STARD13: variants seen among roughly 807,000 people sequenced by gnomAD.
The protein encoded by STARD13 is StAR related lipid transfer domain containing 13.
In STARD13, 62 loss-of-function variants were observed where a neutral mutation model predicts 106.4. The observed-to-expected ratio is 0.58, with a 90% CI of 0.48 to 0.72. The LOEUF (loss-of-function observed/expected upper bound fraction) is 0.72, where lower values mean the gene tolerates loss of function less well. Among genes scored for constraint, STARD13 ranks in the 30% least tolerant of loss-of-function variants. STARD13 has a pLI of 0.00. For synonymous variants in STARD13, 565 were observed against 553.0 expected (o/e 1.02, Z -0.31); for missense variants, 1,387 against 1,424.0 (o/e 0.97, Z 0.42).
At chr13:33,468,751 T>C in the STARD13 span, among the ~76,000 whole-genome samples, 1 of 152,208 alleles carries the variant, frequency 6.6e-6, no homozygotes, top group African/African-American at 2.4e-5. Context: ...CAGTTCCATG[T>C]ATTCTTTTCT....
intron 1 of STARD13, among the ~76,000 whole-genome samples, chr13:33,309,341 C>A (rs111352734): frequency 6.6e-6 from 1 of 152,068 alleles, no homozygotes; most frequent in Non-Finnish European, 1.5e-5. Context: ...CCAGAGAAAG[C>A]GGCAGAGCTG....
chr13:33,501,127 A>G, the STARD13 span, among the ~76,000 whole-genome samples: 2 of 119,142 alleles, frequency 1.7e-5, no homozygotes, highest in Non-Finnish European at 3.1e-5. Context: ...TCTGTTGCTC[A>G]GGCTGGAGTG....
chr13:33,582,047 C>T, the STARD13 span, among the ~76,000 whole-genome samples: 2 of 151,412 alleles, frequency 1.3e-5, no homozygotes, highest in African/African-American at 2.4e-5. Context: ...AGTGAAACCC[C>T]GTCTCTACTA....
chr13:33,306,257 G>A (rs1892901555), intron 1 of STARD13, among the ~76,000 whole-genome samples: 2 of 152,154 alleles, frequency 1.3e-5, no homozygotes, highest in Admixed American at 6.5e-5. Context: ...ATGGTGCTGG[G>A]AAAAGTGACT....
chr13:33,637,679 C>A, the STARD13 span, among the ~76,000 whole-genome samples: 1 of 152,224 alleles, frequency 6.6e-6, no homozygotes, highest in African/African-American at 2.4e-5. Flanking sequence ...TTCACACTTA[C>A]TATTTTGCAG....
At chr13:33,502,451 C>T in the STARD13 span, among the ~76,000 whole-genome samples, 1 of 152,168 alleles carries the variant, frequency 6.6e-6, no homozygotes, top group East Asian at 1.9e-4. Flanking sequence ...GAGGGCATCC[C>T]TGTCTTGTGC....
At chr13:33,648,745 C>A in the STARD13 span, among the ~76,000 whole-genome samples, 1 of 148,874 alleles carries the variant, frequency 6.7e-6, no homozygotes, top group African/African-American at 2.5e-5. Flanking sequence ...GTTCTCTTAG[C>A]AATAGTTTTT....
the STARD13 span, among the ~76,000 whole-genome samples, chr13:33,561,055 A>G: frequency 2.0e-5 from 3 of 151,678 alleles, 1 homozygote; most frequent in South Asian, 6.2e-4. Flanking sequence ...AAAAATGTGT[A>G]AGAATCTTGT....
At chr13:33,233,499 C>T (rs1220322735) in intron 1 of STARD13, among the ~76,000 whole-genome samples, 1 of 152,212 alleles carries the variant, frequency 6.6e-6, no homozygotes, top group East Asian at 1.9e-4. Context: ...CTCCAGTTCT[C>T]CTCTCCACCC....
At chr13:33,606,004 G>GA in the STARD13 span, among the ~76,000 whole-genome samples, 1 of 152,200 alleles carries the variant, frequency 6.6e-6, no homozygotes. Context: ...TGCCTCAACT[G>GA]AAAAAAGGTG....
the STARD13 span, among the ~76,000 whole-genome samples, chr13:33,366,104 AT>A: frequency 6.6e-6 from 1 of 151,968 alleles, no homozygotes; most frequent in East Asian, 1.9e-4. This position sits in a 1 kb window ranked among gnomAD's most constrained non-coding sequence, Gnocchi z 4.2. Flanking sequence ...ATTATATAGA[AT>A]TTTTTTCTAG....
At chr13:33,159,041 G>A (rs1313217041) in intron 3 of STARD13, among the ~76,000 whole-genome samples, 1 of 152,130 alleles carries the variant, frequency 6.6e-6, no homozygotes, top group African/African-American at 2.4e-5. Context: ...GCTGCCATAA[G>A]AATTATTCCA....
chr13:33,153,191 C>T (rs1051117145), intron 3 of STARD13, among the ~76,000 whole-genome samples: 1 of 152,148 alleles, frequency 6.6e-6, no homozygotes, highest in Non-Finnish European at 1.5e-5. Flanking sequence ...TTATGGAAGT[C>T]CTGCTCAGTA....
chr13:33,618,208 T>G, the STARD13 span, among the ~76,000 whole-genome samples: 1 of 152,232 alleles, frequency 6.6e-6, no homozygotes, highest in Non-Finnish European at 1.5e-5. Context: ...ACTTTTTTCA[T>G]TATCAAATTT....
chr13:33,546,328 T>TTAG, the STARD13 span, among the ~76,000 whole-genome samples: 12 of 152,216 alleles, frequency 7.9e-5, no homozygotes. Flanking sequence ...TAAAGGGGTC[T>TTAG]TAGTTGTTAG....
chr13:33,577,947 G>A, the STARD13 span, among the ~76,000 whole-genome samples: 1 of 151,982 alleles, frequency 6.6e-6, no homozygotes, highest in Non-Finnish European at 1.5e-5. Flanking sequence ...TCTTTGAAAA[G>A]CATATAAAGG....
chr13:33,373,243 C>T, the STARD13 span, among the ~76,000 whole-genome samples: 1 of 152,112 alleles, frequency 6.6e-6, no homozygotes, highest in East Asian at 1.9e-4. Flanking sequence ...TTGTGCACCC[C>T]AAACAGAGCT....
At chr13:33,499,608 TTCTTCTTCTTC>T in the STARD13 span, among the ~76,000 whole-genome samples, 4 of 71,106 alleles carry the variant, frequency 5.6e-5, no homozygotes, top group African/African-American at 2.6e-4. Flanking sequence ...TTCTTCTTTC[TTCTTCTTCTTC>T]TTCTTCTTCT....
chr13:33,601,194 A>G, the STARD13 span, among the ~76,000 whole-genome samples: 2 of 151,118 alleles, frequency 1.3e-5, no homozygotes, highest in Non-Finnish European at 2.9e-5. Context: ...TTTTTTTTCC[A>G]GGTTTCAAAA....
Sources: gnomAD v4.1 joint callset for allele counts (sites outside exome capture counted in the v4.1 genomes callset) on GRCh38, gnomAD v4.1.1 for gene constraint, Gnocchi (gnomAD v3.1) non-coding constraint, MANE v1.5 for transcripts, NCBI Gene and HGNC (gene_info 2026-07-23, HGNC 2026-07-21) for gene names.